The following ZNF227 variants were observed in gnomAD, a reference collection of about 807,000 sequenced individuals.
The protein encoded by ZNF227 is zinc finger protein 227.
ZNF227 carries 12 observed loss-of-function variants against 13.2 expected under a neutral mutation model. The ratio of observed to expected loss-of-function variants is 0.91; its 90% CI spans 0.58 to 1.47. The LOEUF (loss-of-function observed/expected upper bound fraction) is 1.47. Among genes scored for constraint, ZNF227 ranks in the 40% most tolerant of loss-of-function variants. The pLI, the probability that ZNF227 is intolerant of heterozygous loss-of-function variation, is 0.00. For missense variants in ZNF227, 885 were observed against 967.5 expected (o/e 0.91, Z 1.13); for synonymous variants, 338 against 326.0 (o/e 1.04, Z -0.40).
chr19:44,229,879 C>T lies in ZNF227; in HGVS notation c.271+63C>T, dbSNP rs557894683. ...AGGTACTGGTTAGTCTGCATCTTAC[C>T]ATGTCCATGACCTCCCTGGTCTGAG... is the stretch of plus-strand genomic sequence containing the variant. On this transcript the variant is annotated intron_variant, in intron 5 of 5. Coordinates refer to ENST00000313040, the MANE Select transcript of ZNF227 (RefSeq NM_182490.3). 6.6e-6 allele frequency: 8 copies of T among 1,218,766 alleles called. No individual in the cohort carries two copies. The South Asian group carries it at 1.5e-4, about 23-fold the overall frequency. 75.5% of individuals were successfully genotyped at this position (1,218,766 alleles called of 1,614,324 possible).
chr19:44,218,685 GATTT>G (rs1159068563), intron 3 of ZNF227, among the ~76,000 whole-genome samples: 9 of 152,184 alleles, frequency 5.9e-5, no homozygotes, highest in African/African-American at 2.2e-4. Flanking sequence ...GGATGGAGAT[GATTT>G]ATTTGCATTT....
intron 3 of ZNF227, among the ~76,000 whole-genome samples, chr19:44,221,282 T>A (rs943128317): frequency 6.6e-6 from 1 of 152,142 alleles, no homozygotes; most frequent in Non-Finnish European, 1.5e-5. Flanking sequence ...TACCCAGTAA[T>A]GGGATGGCTG....
intron 3 of ZNF227, among the ~76,000 whole-genome samples, chr19:44,226,735 C>T (rs1256003156): frequency 6.6e-6 from 1 of 152,194 alleles, no homozygotes; most frequent in East Asian, 1.9e-4. Flanking sequence ...CCAAGTGAGG[C>T]AATGCCTCAC....
intron 3 of ZNF227, among the ~76,000 whole-genome samples, chr19:44,226,291 CACT>C (rs2041280255): frequency 1.3e-5 from 2 of 152,224 alleles, no homozygotes; most frequent in South Asian, 4.1e-4. Context: ...CTGGGAGAAC[CACT>C]ACTCTGTTCA....
At chr19:44,218,524 G>C (rs909945906) in intron 3 of ZNF227, among the ~76,000 whole-genome samples, 1 of 152,172 alleles carries the variant, frequency 6.6e-6, no homozygotes, top group Non-Finnish European at 1.5e-5. Context: ...CAGAGAAGAA[G>C]AGCTATATAT....
rs1486461181 is a variant in ZNF227, at chr19:44,235,652, T to C, written c.1222T>C (p.Tyr408His). Reference sequence around the variant, plus strand: ...GAGGGTCCACAGGGGTGAGAAGCCCTATAAATGTGAGGAATGTGGTAAGGG... The same window carrying C: ...GAGGGTCCACAGGGGTGAGAAGCCCCATAAATGTGAGGAATGTGGTAAGGG... Reference protein sequence around the residue: ...HQRVHRGEKPYKCEECGKGFT... With the variant: ...HQRVHRGEKPHKCEECGKGFT... Residue 408 changes from tyrosine (Y) to histidine (H), a missense_variant, in exon 6 of 6, where the codon TAT becomes CAT. By Grantham distance (83) the Tyr-to-His change is moderately conservative. Coordinates refer to ENST00000313040, the MANE Select transcript of ZNF227 (RefSeq NM_182490.3). 1.9e-6 allele frequency: 3 copies of C among 1,614,126 alleles called. No individual in the cohort carries two copies. The highest frequency in any genetic ancestry group is 2.5e-6 in the Non-Finnish European group (3 of 1,180,020).
chr19:44,226,928 A>G (rs1973230523), intron 3 of ZNF227, among the ~76,000 whole-genome samples: 1 of 152,132 alleles, frequency 6.6e-6, no homozygotes, highest in East Asian at 1.9e-4. Context: ...TCCACCCCTC[A>G]AAACTTTTAA....
rs992657691 is a variant in ZNF227, at chr19:44,229,666, G to C, written c.188-67G>C. ...ACTATAGAGGTTGTGAGGCTTATAG[G>C]GTTCAGACAAAAATGTGTTTTAGTT... On this transcript the variant is annotated intron_variant, in intron 4 of 5. Coordinates refer to ENST00000313040, the MANE Select transcript of ZNF227 (RefSeq NM_182490.3). 3.2e-4 allele frequency: 342 copies of C among 1,061,658 alleles called. 4 individuals carry two copies. Among genetic ancestry groups the C allele is most frequent in the Middle Eastern group, 2.2e-4 (1 of 4,460 alleles). The allele number at this position is 1,061,658 out of a possible 1,614,324, so 65.8% of individuals were successfully genotyped here.
chr19:44,228,535 T>C lies in ZNF227; in HGVS notation c.150T>C (p.Asp50=). 6.2e-7 allele frequency: 1 copy of C among 1,613,552 alleles called. No individual in the cohort carries two copies. The highest frequency in any genetic ancestry group is 8.5e-7 in the Non-Finnish European group (1 of 1,179,878). Residue 50 remains aspartate, a synonymous_variant, in exon 4 of 6, where the codon GAT becomes GAC. Transcript: ENST00000313040. ...TTACCCAGAGGAAGCTGTACCGAGA[T>C]GTCATGGTGGAGAACTTCAAGAACC... ...LDLTQRKLYR[D]VMVENFKNLV...
At chr19:44,222,411 C>T (rs1033844753) in intron 3 of ZNF227, among the ~76,000 whole-genome samples, 1 of 151,834 alleles carries the variant, frequency 6.6e-6, no homozygotes, top group African/African-American at 2.4e-5. Flanking sequence ...AATGTTCTTC[C>T]ATTTGTTTGT....
At chr19:44,228,776 A>G (rs916414759) in intron 4 of ZNF227, 2 of 569,886 alleles carry the variant, frequency 3.5e-6, no homozygotes, top group Admixed American at 4.0e-5. Context: ...GTTCTCAACC[A>G]TGGGTGATTT....
chr19:44,226,194 G>T (rs530353411), intron 3 of ZNF227, among the ~76,000 whole-genome samples: 111 of 150,362 alleles, frequency 7.4e-4, no homozygotes, highest in African/African-American at 1.9e-3. Flanking sequence ...TGCCCCTACT[G>T]GGGGGGTGTC....
chr19:44,214,384 C>CT (rs948142228), intron 2 of ZNF227, among the ~76,000 whole-genome samples: 32 of 143,774 alleles, frequency 2.2e-4, no homozygotes, highest in African/African-American at 4.6e-4. Flanking sequence ...CTTTTTTTTT[C>CT]TTTTTTTTTG....
chr19:44,217,605 A>G (rs772681862), intron 2 of ZNF227, 186 bp from the exon 3 acceptor site: 2 of 758,462 alleles, frequency 2.6e-6, no homozygotes, highest in South Asian at 2.8e-5. Flanking sequence ...ACTTGTGCAG[A>G]CTGTTCACTG....
At chr19:44,232,829 A>G (rs2122933396) in intron 5 of ZNF227, among the ~76,000 whole-genome samples, 1 of 151,996 alleles carries the variant, frequency 6.6e-6, no homozygotes, top group East Asian at 1.9e-4. Flanking sequence ...TGCCAGGCTA[A>G]TTGTTTTTTT....
intron 2 of ZNF227, among the ~76,000 whole-genome samples, chr19:44,216,784 A>G (rs1313430162): frequency 6.6e-6 from 1 of 152,192 alleles, no homozygotes; most frequent in East Asian, 1.9e-4. Context: ...AAATTGACCC[A>G]GAATGATACG....
intron 3 of ZNF227, among the ~76,000 whole-genome samples, chr19:44,221,968 G>C (rs1222860549): frequency 2.6e-5 from 4 of 152,190 alleles, no homozygotes; most frequent in South Asian, 2.1e-4. Context: ...TCCAGTTTCA[G>C]CTTTCTACAT....
In ZNF227 at chr19:44,236,089, T is replaced by C; in HGVS notation, c.1659T>C (p.Cys553=). 1.2e-6 allele frequency: 2 copies of C among 1,614,076 alleles called. No individual in the cohort carries two copies. Among genetic ancestry groups the C allele is most frequent in the Non-Finnish European group, 1.7e-6 (2 of 1,179,998 alleles). Residue 553 remains cysteine, a synonymous_variant, in exon 6 of 6, where the codon TGT becomes TGC. Coordinates refer to ENST00000313040, the MANE Select transcript of ZNF227 (RefSeq NM_182490.3). ...TGEKPYRCDV[C]GKDFSYSSNL... is the part of the protein sequence containing the mutation. ...AGAAACCATATAGATGTGATGTGTG[T>C]GGTAAGGACTTCAGTTATAGTTCAA...
chr19:44,228,254 G>A, intron 3 of ZNF227, 192 bp from the exon 4 acceptor site: 1 of 537,938 alleles, frequency 1.9e-6, no homozygotes, highest in South Asian at 4.1e-5. Context: ...AAAAAACAGT[G>A]ATAAACTACA....
Sources: gnomAD v4.1 joint callset for allele counts (sites outside exome capture counted in the v4.1 genomes callset) on GRCh38, gnomAD v4.1.1 for gene constraint, MANE v1.5 for transcripts, NCBI Gene and HGNC (gene_info 2026-07-23, HGNC 2026-07-21) for gene names.